SPINK8: variants seen among roughly 807,000 people sequenced by gnomAD.
The protein encoded by SPINK8 is serine protease inhibitor Kazal-type 8.
SPINK8 carries 12 observed loss-of-function variants against 14.4 expected under a neutral mutation model. That is an observed-to-expected ratio of 0.83 (90% CI 0.53 to 1.35). The LOEUF (loss-of-function observed/expected upper bound fraction) is 1.35, where lower values mean the gene tolerates loss of function less well. Ranked by LOEUF, SPINK8 falls within the 40% of genes most tolerant of loss-of-function variation. The pLI is 0.00. For synonymous variants in SPINK8, 32 were observed against 37.6 expected (o/e 0.85, Z 0.55); for missense variants, 103 against 117.0 (o/e 0.88, Z 0.55).
rs967158767 is a variant in SPINK8, at chr3:48,321,180, C to A, written c.68-106G>T. ...AGTTGGCACACAGGAAGCATCAAACCCCATCAGAAGAGGCTGGGCTCCTCT... is the reference window on the plus strand; with the variant it reads ...AGTTGGCACACAGGAAGCATCAAACACCATCAGAAGAGGCTGGGCTCCTCT... On this transcript the variant is annotated intron_variant, in intron 4 of 7. Coordinates refer to ENST00000434006, the MANE Select transcript of SPINK8 (RefSeq NM_001080525.3). The A allele has an allele frequency of 1.2e-5, 13 of 1,125,880 alleles. No individual in the cohort carries two copies. The African/African-American group carries it at 1.9e-4, about 16-fold the overall frequency. 69.7% of individuals were successfully genotyped at this position (1,125,880 alleles called of 1,614,324 possible). A position where few individuals can be genotyped will look rare whatever the true frequency, so the allele number is the denominator to read the frequency against.
At chr3:48,309,020 C>T (rs2107079396) in intron 7 of SPINK8, among the ~76,000 whole-genome samples, 1 of 152,264 alleles carries the variant, frequency 6.6e-6, no homozygotes, top group South Asian at 2.1e-4. Flanking sequence ...TGTGATTTCT[C>T]TTTAGTGGAA....
Position 48,319,027 on chromosome 3 carries a change from C to T in SPINK8, c.239+470G>A, listed in dbSNP as rs200998364. Reference sequence around the variant, plus strand: ...ACATGTGATGGGTGCAGAGACTAAACCACATACTAAGTTGAAAGCAAAAGA... The same window carrying T: ...ACATGTGATGGGTGCAGAGACTAAATCACATACTAAGTTGAAAGCAAAAGA... On this transcript the variant is annotated intron_variant, in intron 6 of 7. Coordinates refer to ENST00000434006, the MANE Select transcript of SPINK8 (RefSeq NM_001080525.3). 2.0e-5 allele frequency among the ~76,000 whole-genome samples: 3 copies of T among 152,174 alleles called. No individual in the cohort carries two copies. In the East Asian group the frequency reaches 5.8e-4, roughly 29 times the overall value.
chr3:48,308,621 G>A (rs2035881382), intron 7 of SPINK8, among the ~76,000 whole-genome samples: 1 of 152,098 alleles, frequency 6.6e-6, no homozygotes, highest in African/African-American at 2.4e-5. Context: ...TTTCTGGATC[G>A]CTCTGATTTA....
chr3:48,326,003 T>C (rs2036135934), intron 4 of SPINK8, among the ~76,000 whole-genome samples: 1 of 151,444 alleles, frequency 6.6e-6, no homozygotes, highest in African/African-American at 2.4e-5. Flanking sequence ...TCACCTGGGA[T>C]GGAGCCTCAG....
At chr3:48,307,652 C>T (rs2035868057) in intron 7 of SPINK8, among the ~76,000 whole-genome samples, 1 of 149,914 alleles carries the variant, frequency 6.7e-6, no homozygotes, top group Admixed American at 6.7e-5. Flanking sequence ...TTATGGTTGG[C>T]TCTTAATGCA....
At chr3:48,323,503 G>A (rs1367120101) in intron 4 of SPINK8, among the ~76,000 whole-genome samples, 1 of 152,188 alleles carries the variant, frequency 6.6e-6, no homozygotes, top group Non-Finnish European at 1.5e-5. Flanking sequence ...CCATCGTTAA[G>A]AAGGCTTTGC....
At chr3:48,313,061 C>G (rs184209871) in intron 6 of SPINK8, among the ~76,000 whole-genome samples, 1 of 151,042 alleles carries the variant, frequency 6.6e-6, no homozygotes, top group Non-Finnish European at 1.5e-5. Context: ...AGAGGTAAAT[C>G]TTTATGCCTT....
chr3:48,314,470 T>C (rs1029373167), intron 6 of SPINK8, among the ~76,000 whole-genome samples: 4 of 152,146 alleles, frequency 2.6e-5, no homozygotes, highest in Admixed American at 6.5e-5. Context: ...CCCAGTTCCA[T>C]GGTAGTAATG....
chr3:48,312,288 G>T (rs1383106045), intron 6 of SPINK8, among the ~76,000 whole-genome samples: 1 of 152,200 alleles, frequency 6.6e-6, no homozygotes, highest in African/African-American at 2.4e-5. Flanking sequence ...TTCAATGGGG[G>T]AAGAGGATAG....
intron 6 of SPINK8, among the ~76,000 whole-genome samples, chr3:48,311,308 A>G (rs1344797807): frequency 6.6e-6 from 1 of 152,202 alleles, no homozygotes; most frequent in African/African-American, 2.4e-5. Flanking sequence ...TGAAAGACTG[A>G]AAGACCTGTA....
At chr3:48,307,182 G>A (rs747944322) in intron 7 of SPINK8, among the ~76,000 whole-genome samples, 179 bp from the exon 8 acceptor site, 38 of 152,138 alleles carry the variant, frequency 2.5e-4, no homozygotes, top group Non-Finnish European at 4.7e-4. Context: ...GTGAAAGTCG[G>A]TGGAAAAGAG....
chr3:48,324,132 T>C (rs1210669035), intron 4 of SPINK8, among the ~76,000 whole-genome samples: 1 of 152,120 alleles, frequency 6.6e-6, no homozygotes. Flanking sequence ...TGGGATATCT[T>C]TATGTTGGTT....
intron 7 of SPINK8, among the ~76,000 whole-genome samples, chr3:48,308,408 T>A (rs952855295): frequency 6.6e-6 from 1 of 152,200 alleles, no homozygotes; most frequent in African/African-American, 2.4e-5. Flanking sequence ...GCAGTAAAAT[T>A]TTCAGGTGGT....
intron 4 of SPINK8, among the ~76,000 whole-genome samples, chr3:48,325,716 C>T (rs994373407): frequency 6.6e-6 from 1 of 151,772 alleles, no homozygotes; most frequent in Non-Finnish European, 1.5e-5. Flanking sequence ...CTTCAGCCTC[C>T]TGAGATGGGA....
At chr3:48,322,449 T>C (rs570505519) in intron 4 of SPINK8, among the ~76,000 whole-genome samples, 2 of 151,684 alleles carry the variant, frequency 1.3e-5, no homozygotes, top group South Asian at 2.1e-4. Context: ...GATTCTCCTG[T>C]CTCAGCCTTC....
intron 2 of SPINK8, among the ~76,000 whole-genome samples, chr3:48,331,294 T>G (rs1163766281): frequency 6.6e-6 from 1 of 152,198 alleles, no homozygotes; most frequent in African/African-American, 2.4e-5. Context: ...ACTGGTAGTA[T>G]AGCGGCACGG....
intron 6 of SPINK8, among the ~76,000 whole-genome samples, chr3:48,315,826 TAA>T (rs2035984146): frequency 7.2e-6 from 1 of 139,264 alleles, no homozygotes; most frequent in Non-Finnish European, 1.6e-5. Context: ...CGAATATCAA[TAA>T]AGAGACAGAA....
intron 4 of SPINK8, among the ~76,000 whole-genome samples, chr3:48,322,612 A>G (rs1230109378): frequency 6.6e-6 from 1 of 152,230 alleles, no homozygotes; most frequent in Non-Finnish European, 1.5e-5. Context: ...CTGGGATTAC[A>G]GGCATGAGCC....
chr3:48,333,378 G>C (rs1398912172), intron 1 of SPINK8, among the ~76,000 whole-genome samples, 157 bp downstream of exon 1: 3 of 152,050 alleles, frequency 2.0e-5, no homozygotes, highest in Non-Finnish European at 2.9e-5. Flanking sequence ...TTGCCTGGGA[G>C]GGGGGAACGT....
Sources: gnomAD v4.1 joint callset for allele counts (sites outside exome capture counted in the v4.1 genomes callset) on GRCh38, gnomAD v4.1.1 for gene constraint, MANE v1.5 for transcripts, NCBI Gene and HGNC (gene_info 2026-07-23, HGNC 2026-07-21) for gene names.